PITPNC1: variants seen among roughly 807,000 people sequenced by gnomAD.
The protein encoded by PITPNC1 is phosphatidylinositol transfer protein cytoplasmic 1, also known as cytoplasmic phosphatidylinositol transfer protein 1.
In PITPNC1, 18 loss-of-function variants were observed where a neutral mutation model predicts 44.7. The ratio of observed to expected loss-of-function variants is 0.40; its 90% confidence interval spans 0.28 to 0.60. The LOEUF (loss-of-function observed/expected upper bound fraction) is 0.60, where lower values mean the gene tolerates loss of function less well. Ranked by LOEUF, PITPNC1 falls within the 20% of genes least tolerant of loss-of-function variation. PITPNC1 has a pLI of 0.39. For missense variants in PITPNC1, 290 were observed against 418.4 expected (o/e 0.69, Z 2.68); for synonymous variants, 141 against 149.6 (o/e 0.94, Z 0.42).
At chr17:67,483,742 C>T (rs561502198) in intron 1 of PITPNC1, among the ~76,000 whole-genome samples, 1 of 152,136 alleles carries the variant, frequency 6.6e-6, no homozygotes, top group South Asian at 2.1e-4. Context: ...GCCTTCAAGC[C>T]CTGGGGGGAC....
intron 6 of PITPNC1, among the ~76,000 whole-genome samples, chr17:67,648,649 C>G (rs1392458903): frequency 6.6e-6 from 1 of 152,176 alleles, no homozygotes; most frequent in East Asian, 1.9e-4. Context: ...AATTGGGACT[C>G]CACATTCACC....
chr17:67,441,644 A>ACGTCAATTATTCTTCTCCCTGTTC (rs2039014410), intron 1 of PITPNC1, among the ~76,000 whole-genome samples: 1 of 152,202 alleles, frequency 6.6e-6, no homozygotes, highest in Non-Finnish European at 1.5e-5. Context: ...CCAAGCCCCG[A>ACGTCAATTATTCTTCTCCCTGTTC]CGTCAATTAT....
At chr17:67,669,449 AT>A in intron 6 of PITPNC1, 58 bp from the exon 7 acceptor site, 1 of 1,224,474 alleles carries the variant, frequency 8.2e-7, no homozygotes, top group Non-Finnish European at 1.1e-6. Context: ...TATTCCTGAC[AT>A]TTAATAATGA....
chr17:67,505,341 A>G (rs1454152077), intron 1 of PITPNC1, among the ~76,000 whole-genome samples: 5 of 152,208 alleles, frequency 3.3e-5, no homozygotes, highest in African/African-American at 1.2e-4. Context: ...GTGATAGTTT[A>G]GTTTAATTGT....
intron 4 of PITPNC1, 59 bp from the exon 5 acceptor site, chr17:67,578,127 C>G (rs753430719): frequency 8.6e-7 from 1 of 1,158,636 alleles, no homozygotes; most frequent in South Asian, 1.2e-5. Flanking sequence ...AGAAGCTCTG[C>G]TGAATATAGG....
chr17:67,629,238 C>CTGTGTTTGTGTGTGTGTG, intron 5 of PITPNC1, among the ~76,000 whole-genome samples: 1 of 131,326 alleles, frequency 7.6e-6, no homozygotes, highest in Non-Finnish European at 1.6e-5. Flanking sequence ...CTGGGGTATT[C>CTGTGTTTGTGTGTGTGTG]TGTGTGTGTG....
Position 67,695,626 on chromosome 17 carries a change from ATATAT to A in PITPNC1, c.*2739_*2743del, listed in dbSNP as rs2042998656. ...CCTGTGTATATATATATATATATATATATATAAATATAAATATAGTATAGTGAATC... is the reference window on the plus strand; with the variant it reads ...CCTGTGTATATATATATATATATATAAAATATAAATATAGTATAGTGAATC... On this transcript the variant is annotated 3_prime_UTR_variant, in exon 9 of 9. Transcript: ENST00000581322. The A allele has an allele frequency of 6.8e-6, 1 of 147,896 alleles. No homozygotes were observed. Among genetic ancestry groups the A allele is most frequent in the African/African-American group, 2.5e-5 (1 of 40,438 alleles). The allele number at this position is 147,896 out of a possible 1,614,324, so 9.2% of individuals were successfully genotyped here. A position where few individuals can be genotyped will look rare whatever the true frequency, so the allele number is the denominator to read the frequency against.
At chr17:67,409,961 A>G (rs1190206685) in intron 1 of PITPNC1, among the ~76,000 whole-genome samples, 2 of 152,164 alleles carry the variant, frequency 1.3e-5, no homozygotes, top group African/African-American at 4.8e-5. Flanking sequence ...TATGAACACT[A>G]TTGCTCTGAA....
intron 1 of PITPNC1, among the ~76,000 whole-genome samples, chr17:67,502,199 A>G (rs1403746705): frequency 6.6e-6 from 1 of 152,186 alleles, no homozygotes; most frequent in East Asian, 1.9e-4. Flanking sequence ...CTATTACCAT[A>G]GTTGAACCAT....
At chr17:67,469,965 C>T (rs1349372362) in intron 1 of PITPNC1, among the ~76,000 whole-genome samples, 1 of 151,914 alleles carries the variant, frequency 6.6e-6, no homozygotes, top group African/African-American at 2.4e-5. Context: ...TTTTGTCATC[C>T]AGGCTGGAGT....
chr17:67,473,633 G>A (rs2039583288), intron 1 of PITPNC1, among the ~76,000 whole-genome samples: 1 of 151,928 alleles, frequency 6.6e-6, no homozygotes, highest in African/African-American at 2.4e-5. Context: ...TTTTGGAGAT[G>A]GGGTCTTGTT....
chr17:67,591,232 C>A (rs1041360998), intron 5 of PITPNC1, among the ~76,000 whole-genome samples: 2 of 152,122 alleles, frequency 1.3e-5, no homozygotes, highest in African/African-American at 4.8e-5. Context: ...CCTGTACTCT[C>A]CAAAATTGTT....
rs79641078 is a variant in PITPNC1, at chr17:67,411,699, T to C, written c.48+33497T>C. 7.0e-3 allele frequency among the ~76,000 whole-genome samples: 1,068 copies of C among 152,230 alleles called. 37 individuals carry two copies. In the East Asian group the frequency reaches 0.1, roughly 15 times the overall value. ...TAACGTTATGATTGGTTATCATAAC[T>C]GGGGCACGAGATCAGAGCTAGATGG... On this transcript the variant is annotated intron_variant, in intron 1 of 8. Coordinates refer to ENST00000581322, the MANE Select transcript of PITPNC1 (RefSeq NM_012417.4).
At chr17:67,570,271 C>T (rs568132845) in intron 4 of PITPNC1, among the ~76,000 whole-genome samples, 106 of 152,252 alleles carry the variant, frequency 7.0e-4, no homozygotes, top group African/African-American at 2.5e-3. Flanking sequence ...AGAGAAGAGG[C>T]CAGTGGAAGG....
At chr17:67,569,923 T>A (rs2041029344) in intron 4 of PITPNC1, among the ~76,000 whole-genome samples, 1 of 152,112 alleles carries the variant, frequency 6.6e-6, no homozygotes, top group South Asian at 2.1e-4. Flanking sequence ...AGATTTTTCA[T>A]GAGAAAGAGG....
rs984142358 is a variant in PITPNC1 at position 67,508,203 on chromosome 17, A to G, written c.49-24599A>G. Among the ~76,000 whole-genome samples the G allele has an allele frequency of 5.3e-5, 8 of 152,224 alleles. No individual in the cohort carries two copies. Among genetic ancestry groups the G allele is most frequent in the African/African-American group, 1.7e-4 (7 of 41,468 alleles). ...CCCAAGAGAGGGTTCTTGGATCTCA[A>G]GGAAGAAAGAATTCAGGTCGAGTCT... On this transcript the variant is annotated intron_variant, in intron 1 of 8. Transcript: ENST00000581322. The surrounding 1 kb of genome is among the most constrained non-coding windows in gnomAD (Gnocchi z 4.2).
intron 1 of PITPNC1, among the ~76,000 whole-genome samples, chr17:67,467,561 C>T (rs2039446556): frequency 1.3e-5 from 2 of 152,206 alleles, no homozygotes; most frequent in South Asian, 4.1e-4. Flanking sequence ...AATTTTGGAA[C>T]CAGGTATTGC....
chr17:67,436,474 G>A (rs1384316796), intron 1 of PITPNC1, among the ~76,000 whole-genome samples: 1 of 152,118 alleles, frequency 6.6e-6, no homozygotes, highest in Admixed American at 6.6e-5. Context: ...AGGTGAGGGT[G>A]AGGGAGGCAA....
At chr17:67,554,253 A>T (rs907578232) in intron 4 of PITPNC1, among the ~76,000 whole-genome samples, 3 of 111,124 alleles carry the variant, frequency 2.7e-5, no homozygotes, top group African/African-American at 3.4e-5. Flanking sequence ...ATAGTTTATG[A>T]TTTTTTTTTT....
Sources: gnomAD v4.1 joint callset for allele counts (sites outside exome capture counted in the v4.1 genomes callset) on GRCh38, gnomAD v4.1.1 for gene constraint, Gnocchi (gnomAD v3.1) non-coding constraint, MANE v1.5 for transcripts, NCBI Gene and HGNC (gene_info 2026-07-23, HGNC 2026-07-21) for gene names.